MTSS1: variants seen among roughly 807,000 people sequenced by gnomAD.
The protein encoded by MTSS1 is MTSS I-BAR domain containing 1, also known as protein MTSS 1.
Under a neutral mutation model 79.0 loss-of-function variants are expected in MTSS1, and 18 were observed. The ratio of observed to expected loss-of-function variants is 0.23; its 90% CI spans 0.16 to 0.34. The LOEUF (loss-of-function observed/expected upper bound fraction) is 0.34. Among genes scored for constraint, MTSS1 ranks in the 10% least tolerant of loss-of-function variants. The pLI is 1.00. For synonymous variants in MTSS1, 341 were observed against 368.6 expected (o/e 0.93, Z 0.86); for missense variants, 815 against 986.2 (o/e 0.83, Z 2.33).
intron 3 of MTSS1, among the ~76,000 whole-genome samples, chr8:124,667,972 G>C (rs567735773): frequency 6.6e-6 from 1 of 152,110 alleles, no homozygotes; most frequent in Non-Finnish European, 1.5e-5. Context: ...ACTAGGGCAG[G>C]GGTCTGGGGG....
intron 6 of MTSS1, among the ~76,000 whole-genome samples, chr8:124,569,083 A>G (rs576382537): frequency 1.3e-5 from 2 of 152,080 alleles, no homozygotes; most frequent in South Asian, 4.2e-4. Context: ...AGTTCCTTTG[A>G]CTCTCTAGTG....
chr8:124,649,236 G>A (rs28703083), intron 3 of MTSS1, among the ~76,000 whole-genome samples: 22,516 of 152,154 alleles, frequency 0.15, 2,642 homozygotes, highest in African/African-American at 0.33. Context: ...AGTGTTGAGT[G>A]GTTGTGAGAG....
chr8:124,707,415 AC>A lies in MTSS1; in HGVS notation c.73-3225del, dbSNP rs1310617745. Among the ~76,000 whole-genome samples the A allele has an allele frequency of 8.7e-3, 1,284 of 148,046 alleles. 16 individuals are homozygous for A. Among genetic ancestry groups the A allele is most frequent in the African/African-American group, 0.028 (1,118 of 40,396 alleles). On this transcript the variant is annotated intron_variant, in intron 1 of 13. Coordinates refer to ENST00000518547, the MANE Select transcript of MTSS1 (RefSeq NM_014751.6). ...TACAAAAAAAAAAACAAACAAACAAACAAACAAAAAAAAAACACCAGGCCAG... is the reference window on the plus strand; with the variant it reads ...TACAAAAAAAAAAACAAACAAACAAAAAACAAAAAAAAAACACCAGGCCAG...
intron 3 of MTSS1, among the ~76,000 whole-genome samples, chr8:124,674,595 C>A (rs976991460): frequency 2.6e-5 from 4 of 152,142 alleles, no homozygotes; most frequent in Non-Finnish European, 5.9e-5. Context: ...CCGCCCCCCT[C>A]GGCCTCCCAA....
chr8:124,613,332 C>T (rs1453493798), intron 3 of MTSS1, among the ~76,000 whole-genome samples: 3 of 152,092 alleles, frequency 2.0e-5, no homozygotes, highest in Admixed American at 6.5e-5. Context: ...TGAGATAATC[C>T]AAGTAGGATG....
At chr8:124,632,515 A>T (rs1210816666) in intron 3 of MTSS1, among the ~76,000 whole-genome samples, 1 of 152,100 alleles carries the variant, frequency 6.6e-6, no homozygotes, top group East Asian at 1.9e-4. Context: ...TTCAAAAAAA[A>T]ATTTAAAGAT....
rs550950143 is a variant in MTSS1 at position 124,567,568 on chromosome 8, T to C, written c.619-390A>G. ...CAATGGATGACACGACTTGGATATA[T>C]TTTGGTCCAGATCTTTGTGACAGTG... On this transcript the variant is annotated intron_variant, in intron 7 of 13. Transcript: ENST00000518547. The C allele has an allele frequency of 9.2e-4, 1,234 of 1,336,010 alleles. 3 individuals are homozygous for C. The highest frequency in any genetic ancestry group is 1.3e-3 in the Middle Eastern group (7 of 5,264). 82.8% of individuals were successfully genotyped at this position (1,336,010 alleles called of 1,614,324 possible).
chr8:124,727,992 G>A lies in MTSS1; in HGVS notation c.-37C>T. 1.3e-6 allele frequency: 2 copies of A among 1,591,750 alleles called. No homozygotes were observed. Among genetic ancestry groups the A allele is most frequent in the East Asian group, 2.3e-5 (1 of 43,456 alleles). On this transcript the variant is annotated 5_prime_UTR_variant, in exon 1 of 14. Transcript: ENST00000518547. The surrounding 1 kb of genome is among the most constrained non-coding windows in gnomAD (Gnocchi z 4.7). Reference sequence around the variant, plus strand: ...CGGCAGGGCGAGGGCACACACGCGGGGCCGCTGGACTGCGCGCGGGGCCGG... The same window carrying A: ...CGGCAGGGCGAGGGCACACACGCGGAGCCGCTGGACTGCGCGCGGGGCCGG...
chr8:124,567,263 T>C lies in MTSS1; in HGVS notation c.619-85A>G, dbSNP rs924081864. On this transcript the variant is annotated intron_variant, in intron 7 of 13. Coordinates refer to ENST00000518547, the MANE Select transcript of MTSS1 (RefSeq NM_014751.6). ...GTCCAATTGTTTTCATTAGGGTCTCTGTATAACCCTTTCAGTTTTTCAGAA... is the reference window on the plus strand; with the variant it reads ...GTCCAATTGTTTTCATTAGGGTCTCCGTATAACCCTTTCAGTTTTTCAGAA... 37 of 1,120,818 alleles carry C rather than the reference T, an allele frequency of 3.3e-5. No homozygotes were observed. The South Asian group carries it at 4.1e-4, about 12-fold the overall frequency. 69.4% of individuals were successfully genotyped at this position (1,120,818 alleles called of 1,614,324 possible).
intron 3 of MTSS1, among the ~76,000 whole-genome samples, chr8:124,599,541 TAAGTA>T: frequency 6.7e-6 from 1 of 150,170 alleles, no homozygotes; most frequent in Non-Finnish European, 1.5e-5. Flanking sequence ...ATGAAAGATC[TAAGTA>T]AAGTGGAAAT....
At chr8:124,703,116 C>T (rs1008297306) in intron 2 of MTSS1, among the ~76,000 whole-genome samples, 2 of 151,962 alleles carry the variant, frequency 1.3e-5, no homozygotes, top group Non-Finnish European at 2.9e-5. Flanking sequence ...CACCGCAATC[C>T]AATTTTAGAA....
chr8:124,652,862 T>G (rs1426918255), intron 3 of MTSS1, among the ~76,000 whole-genome samples: 1 of 152,158 alleles, frequency 6.6e-6, no homozygotes, highest in African/African-American at 2.4e-5. Context: ...GAGTCTGCTT[T>G]AACGAATATC....
intron 3 of MTSS1, among the ~76,000 whole-genome samples, chr8:124,641,190 T>C (rs1434386247): frequency 1.3e-5 from 2 of 151,868 alleles, no homozygotes; most frequent in African/African-American, 4.8e-5. Flanking sequence ...ATGGGTCAAA[T>C]GGACCAGGGG....
At chr8:124,567,718 T>G (rs1826817838) in intron 7 of MTSS1, 1 of 1,508,312 alleles carries the variant, frequency 6.6e-7, no homozygotes, top group South Asian at 1.2e-5. Flanking sequence ...TTTATCGAAG[T>G]GCCAAGTTGG....
At chr8:124,688,403 ATGTGTGTG>A (rs1305262394) in intron 3 of MTSS1, among the ~76,000 whole-genome samples, 1 of 151,828 alleles carries the variant, frequency 6.6e-6, no homozygotes. Flanking sequence ...GTATATGTGT[ATGTGTGTG>A]TACGTATGTG....
At chr8:124,684,114 T>C (rs1826572998) in intron 3 of MTSS1, among the ~76,000 whole-genome samples, 1 of 152,228 alleles carries the variant, frequency 6.6e-6, no homozygotes. Context: ...ATTTCTTTTT[T>C]TCTAGACGAA....
chr8:124,610,866 G>A (rs769387716), intron 3 of MTSS1, among the ~76,000 whole-genome samples: 1 of 152,184 alleles, frequency 6.6e-6, no homozygotes, highest in Non-Finnish European at 1.5e-5. Flanking sequence ...ATGCCTGGAA[G>A]GTAACTTCTC....
intron 1 of MTSS1, among the ~76,000 whole-genome samples, chr8:124,722,677 A>G (rs1050037475): frequency 1.3e-5 from 2 of 152,218 alleles, no homozygotes; most frequent in Non-Finnish European, 2.9e-5. Context: ...TAAACGGCTC[A>G]CAGCATCAGT....
Position 124,553,341 on chromosome 8 carries a change from C to A in MTSS1, c.1919G>T (p.Arg640Leu), listed in dbSNP as rs769507238. The change falls in exon 14 of 14, where the codon CGG becomes CTG. Residue 640 changes from arginine to leucine, a missense_variant. Arg to Leu is a moderately radical substitution (Grantham distance 102). Transcript: ENST00000518547. The surrounding 1 kb of genome is among the most constrained non-coding windows in gnomAD (Gnocchi z 6.0). ...LPAPPDGPEE[R>L]GEHSPESPSV... ...TGGCGACTCAGGGCTGTGCTCCCCC[C>A]GCTCTTCTGGCCCATCTGGAGGGGC... is the stretch of plus-strand genomic sequence containing the variant. The A allele has an allele frequency of 1.2e-6, 2 of 1,613,474 alleles. No individual in the cohort carries two copies. Among genetic ancestry groups the A allele is most frequent in the African/African-American group, 2.7e-5 (2 of 74,914 alleles).
Sources: allele counts gnomAD v4.1 joint callset (sites outside exome capture counted in the v4.1 genomes callset), GRCh38; gene constraint gnomAD v4.1.1; non-coding constraint Gnocchi (gnomAD v3.1); transcripts MANE v1.5; gene names NCBI Gene and HGNC (gene_info 2026-07-23, HGNC 2026-07-21).